Variants in CCDC136 observed in about 807,000 individuals in gnomAD.
CCDC136 encodes coiled-coil domain-containing protein 136.
CCDC136 carries 100 observed loss-of-function variants against 141.2 expected under a neutral mutation model. That is an observed-to-expected ratio of 0.71 (90% CI 0.60 to 0.84). CCDC136 has a LOEUF of 0.84. Ranked by LOEUF, CCDC136 falls within the 40% of genes least tolerant of loss-of-function variation. The pLI is 0.00. For missense variants in CCDC136, 1,206 were observed against 1,379.4 expected (o/e 0.87, Z 1.99); for synonymous variants, 474 against 531.9 (o/e 0.89, Z 1.50).
chr7:128,797,748 ATTTC>A (rs1803264108), intron 3 of CCDC136, among the ~76,000 whole-genome samples: 1 of 152,174 alleles, frequency 6.6e-6, no homozygotes, highest in Admixed American at 6.5e-5. Flanking sequence ...TCAAAAGATT[ATTTC>A]TTTTCTTTTT....
At chr7:128,807,300 G>A in intron 9 of CCDC136, 60 bp from the exon 10 acceptor site, 1 of 1,283,248 alleles carries the variant, frequency 7.8e-7, no homozygotes. Context: ...CCGCCTGGGA[G>A]GAGAGAGTCC....
At position 128,805,934 on chromosome 7, in the gene CCDC136, G is replaced by A; in HGVS notation, c.1089+33G>A. ...CTGCCCGGGGAGGCATCTGGGGTGG[G>A]GGCAGAAGGGCCTCATGGAGGGGCT... On this transcript the variant is annotated intron_variant, in intron 7 of 17. Transcript: ENST00000297788. The surrounding 1 kb of genome is among the most constrained non-coding windows in gnomAD (Gnocchi z 4.6). 3.1e-6 allele frequency: 5 copies of A among 1,611,962 alleles called. No homozygotes were observed. Among genetic ancestry groups the A allele is most frequent in the South Asian group, 1.1e-5 (1 of 90,946 alleles).
Position 128,821,335 on chromosome 7 carries a change from G to A in CCDC136, c.*6-464G>A, listed in dbSNP as rs993258942. Among the ~76,000 whole-genome samples the A allele has an allele frequency of 6.6e-6, 1 of 152,158 alleles. No individual in the cohort carries two copies. The highest frequency in any genetic ancestry group is 1.5e-5 in the Non-Finnish European group (1 of 68,026). On this transcript the variant is annotated intron_variant, in intron 17 of 17. Coordinates refer to ENST00000297788, the MANE Select transcript of CCDC136 (RefSeq NM_022742.5). This position sits in a 1 kb window ranked among gnomAD's most constrained non-coding sequence, Gnocchi z 5.1. ...ACCTCCTACTTACCTGCACTCCGTGGTGCACTTTCTTCATTTCCCCTCAGC... is the reference window on the plus strand; with the variant it reads ...ACCTCCTACTTACCTGCACTCCGTGATGCACTTTCTTCATTTCCCCTCAGC...
At chr7:128,811,451 T>C in intron 12 of CCDC136, 1 of 448,750 alleles carries the variant, frequency 2.2e-6, no homozygotes, top group South Asian at 1.7e-5. Context: ...AAGGTCAGGA[T>C]AACAGGTATA....
At chr7:128,806,479 A>C in intron 8 of CCDC136, 84 bp downstream of exon 8, 1 of 1,338,876 alleles carries the variant, frequency 7.5e-7, no homozygotes, top group Non-Finnish European at 1.0e-6. Context: ...AAGAGTAGTG[A>C]GTTAAAAATA....
At chr7:128,791,241 T>C (rs9690481), upstream of CCDC136, among the ~76,000 whole-genome samples, 25,821 of 151,282 alleles carry the variant, frequency 0.17, 2,358 homozygotes, top group African/African-American at 0.23. The surrounding 1 kb of genome is among the most constrained non-coding windows in gnomAD (Gnocchi z 7.1). Context: ...CCCCGCGCTC[T>C]CTAGGGGAGA....
At chr7:128,791,132 C>G (rs55867152), upstream of CCDC136, among the ~76,000 whole-genome samples, 14,361 of 152,206 alleles carry the variant, frequency 0.094, 732 homozygotes, top group East Asian at 0.22. The surrounding 1 kb of genome is among the most constrained non-coding windows in gnomAD (Gnocchi z 7.1). Flanking sequence ...GCACAGCAGA[C>G]CCCGGGGGGA....
chr7:128,805,566 T>G lies in CCDC136; in HGVS notation c.948+42T>G, dbSNP rs757815776. On this transcript the variant is annotated intron_variant, in intron 6 of 17. Coordinates refer to ENST00000297788, the MANE Select transcript of CCDC136 (RefSeq NM_022742.5). This position sits in a 1 kb window ranked among gnomAD's most constrained non-coding sequence, Gnocchi z 4.6. ...GGGGAAGGCAGGCACATTTCTTGTCTTTCTTTCACCTTCTCCCAGCCTGTG... is the reference window on the plus strand; with the variant it reads ...GGGGAAGGCAGGCACATTTCTTGTCGTTCTTTCACCTTCTCCCAGCCTGTG... 6.4e-7 allele frequency: 1 copy of G among 1,569,298 alleles called. No individual in the cohort carries two copies. The highest frequency in any genetic ancestry group is 1.2e-5 in the South Asian group (1 of 82,426).
chr7:128,801,190 G>C lies in CCDC136; in HGVS notation c.351G>C (p.Glu117Asp), dbSNP rs757826891. ...FTKQIQQLQGELRSLREEISL... is the reference protein window; with the variant it reads ...FTKQIQQLQGDLRSLREEISL... The stretch of plus-strand genomic sequence containing the variant: ...CTCAACCTTTGGACTTTGCAGGTGA[G>C]CTGCGTTCTCTACGGGAGGAGATTT... The change falls in exon 4 of 18, where the codon GAG (glutamate) becomes GAC (aspartate). Residue 117 changes from glutamate (E) to aspartate (D), a missense_variant. Transcript: ENST00000297788. 5.6e-6 allele frequency: 9 copies of C among 1,610,470 alleles called. No homozygotes were observed. Among genetic ancestry groups the C allele is most frequent in the Non-Finnish European group, 7.6e-6 (9 of 1,177,002 alleles).
At position 128,805,891 on chromosome 7, in the gene CCDC136, G is replaced by C; in HGVS notation, c.1079G>C (p.Ser360Thr). ...GTGCTTCGGTTTCAGACCTCCCACA[G>C]TGTCACCCAGGTAAACACTGCCCGG... ...NEVLRFQTSH[S>T]VTQNEELKSR... is the part of the protein sequence containing the mutation. Residue 360 changes from serine to threonine, a missense_variant, in exon 7 of 18, where the codon AGT becomes ACT. Physicochemically the swap from Ser to Thr is moderately conservative, Grantham distance 58. Coordinates refer to ENST00000297788, the MANE Select transcript of CCDC136 (RefSeq NM_022742.5). This position sits in a 1 kb window ranked among gnomAD's most constrained non-coding sequence, Gnocchi z 4.6. The C allele has an allele frequency of 1.9e-6, 3 of 1,613,950 alleles. No individual in the cohort carries two copies. The highest frequency in any genetic ancestry group is 1.7e-6 in the Non-Finnish European group (2 of 1,179,890).
intron 3 of CCDC136, among the ~76,000 whole-genome samples, chr7:128,796,627 TCAGAA>T (rs1164299964): frequency 2.7e-5 from 4 of 150,758 alleles, no homozygotes; most frequent in African/African-American, 9.8e-5. Context: ...GGGAAGTGAC[TCAGAA>T]CAGTGAGTCC....
At chr7:128,819,400 A>T (rs1807134024) in intron 17 of CCDC136, among the ~76,000 whole-genome samples, 1 of 152,228 alleles carries the variant, frequency 6.6e-6, no homozygotes, top group Non-Finnish European at 1.5e-5. Flanking sequence ...TGTCCCAGGG[A>T]GCAAAATGCA....
chr7:128,811,654 A>G lies in CCDC136; in HGVS notation c.2029-146A>G, dbSNP rs564552102. 36 of 698,990 alleles carry G rather than the reference A, an allele frequency of 5.2e-5. No homozygotes were observed. In the African/African-American group the frequency reaches 5.9e-4, roughly 12 times the overall value. The allele number at this position is 698,990 out of a possible 1,614,324, so 43.3% of individuals were successfully genotyped here. On this transcript the variant is annotated intron_variant, in intron 12 of 17. Transcript: ENST00000297788. ...GATACATGCCAGTTACCTATAGGCT[A>G]AGTCAGAGACATAGGCCGGGGTGAG... is the stretch of plus-strand genomic sequence containing the variant.
rs947763516 is a variant in CCDC136, at chr7:128,799,358, A to AC, written c.347-1822dup. Reference sequence around the variant, plus strand: ...GACTGTCTCAAAAACAGAAAGGAAAACCCCCCAAACCCCAAATGTTTAGTT... The same window carrying AC: ...GACTGTCTCAAAAACAGAAAGGAAAACCCCCCCAAACCCCAAATGTTTAGTT... On this transcript the variant is annotated intron_variant, in intron 3 of 17. Transcript: ENST00000297788. Among the ~76,000 whole-genome samples the AC allele has an allele frequency of 2.7e-5, 4 of 150,900 alleles. No individual in the cohort carries two copies. In the South Asian group the frequency reaches 6.3e-4, roughly 24 times the overall value.
chr7:128,817,971 A>G lies in CCDC136; in HGVS notation c.*5+107A>G. 3.7e-6 allele frequency: 3 copies of G among 810,698 alleles called. No individual in the cohort carries two copies. The highest frequency in any genetic ancestry group is 6.2e-6 in the Non-Finnish European group (3 of 483,528). 50.2% of individuals were successfully genotyped at this position (810,698 alleles called of 1,614,324 possible). A position where few individuals can be genotyped will look rare whatever the true frequency, so the allele number is the denominator to read the frequency against. On this transcript the variant is annotated intron_variant, in intron 17 of 17. Transcript: ENST00000297788. This position sits in a 1 kb window ranked among gnomAD's most constrained non-coding sequence, Gnocchi z 4.6. ...CAGCTGCTTGCTTCTTGCTTGTGCC[A>G]TTTTATAATAGGTGATGCTCAGGTC...
In CCDC136 at chr7:128,815,719, A is replaced by C; in HGVS notation, c.3151A>C (p.Lys1051Gln). 1 of 1,557,196 alleles carries C rather than the reference A, an allele frequency of 6.4e-7. No homozygotes were observed. Among genetic ancestry groups the C allele is most frequent in the Non-Finnish European group, 8.7e-7 (1 of 1,150,340 alleles). ...GATGGAGGAGGAAAAAAAGCAAGTG[A>C]AAGAGGAAGCAAAGGAGCAGTGTGG... ...EEMEEEKKQV[K>Q]EEAKEQCGDE... The change falls in exon 16 of 18, where the codon AAA becomes CAA. Residue 1051 changes from lysine (K) to glutamine (Q), a missense_variant. Lys to Gln is a moderately conservative substitution (Grantham distance 53). Transcript: ENST00000297788.
At position 128,794,453 on chromosome 7, in the gene CCDC136, GCTCT is replaced by G. The variant is rs1562900620; in HGVS notation, c.125_128del (p.Ser42CysfsTer9). The G allele has an allele frequency of 6.4e-7, 1 of 1,552,480 alleles. No individual in the cohort carries two copies. On this transcript the variant is annotated frameshift_variant, in exon 2 of 18. Coordinates refer to ENST00000297788, the MANE Select transcript of CCDC136 (RefSeq NM_022742.5). LOFTEE classifies it high-confidence loss of function. The surrounding 1 kb of genome is among the most constrained non-coding windows in gnomAD (Gnocchi z 4.3). The stretch of plus-strand genomic sequence containing the variant: ...CAAGTGCAGAAAGGTGGCAGTGTTG[GCTCT>G]CTGTCAGTCAACAAGCACCGGGGAC...
intron 11 of CCDC136, among the ~76,000 whole-genome samples, 159 bp from the exon 12 acceptor site, chr7:128,809,980 C>T (rs1053925863): frequency 6.6e-5 from 10 of 152,226 alleles, no homozygotes; most frequent in African/African-American, 2.2e-4. Flanking sequence ...TTTAGCAGGT[C>T]TCCATAGAAG....
chr7:128,812,313 G>A lies in CCDC136; in HGVS notation c.2541+1G>A, dbSNP rs1318644961. ...ACCTGCTGAGCCTGAAGACATGGAGGTAATGGTTGCCAGGTGACAGGTCAG... is the reference window on the plus strand; with the variant it reads ...ACCTGCTGAGCCTGAAGACATGGAGATAATGGTTGCCAGGTGACAGGTCAG... On this transcript the variant is annotated splice_donor_variant, in intron 13 of 17. Transcript: ENST00000297788. LOFTEE classifies it high-confidence loss of function. 1 of 1,609,450 alleles carries A rather than the reference G, an allele frequency of 6.2e-7. No individual in the cohort carries two copies.
Sources: gnomAD v4.1 joint callset for allele counts (sites outside exome capture counted in the v4.1 genomes callset) on GRCh38, gnomAD v4.1.1 for gene constraint, Gnocchi (gnomAD v3.1) non-coding constraint, MANE v1.5 for transcripts, NCBI Gene and HGNC (gene_info 2026-07-23, HGNC 2026-07-21) for gene names.